The following GLMN variants were observed in gnomAD, a reference collection of about 807,000 sequenced individuals.
The protein encoded by GLMN is glomulin.
In GLMN, 75 loss-of-function variants were observed where a neutral mutation model predicts 87.8. That is an observed-to-expected ratio of 0.85 (90% confidence interval 0.71 to 1.04). The LOEUF is 1.04. Among genes scored for constraint, GLMN ranks in the 50% least tolerant of loss-of-function variants. GLMN has a pLI of 0.00. For missense variants in GLMN, 588 were observed against 658.8 expected (o/e 0.89, Z 1.18); for synonymous variants, 206 against 221.6 (o/e 0.93, Z 0.63).
rs925427494 is a variant in GLMN at position 92,269,758 on chromosome 1, C to T, written c.942G>A (p.Gln314=). ...PMVLSPLYLL[Q]FNMGHIEVFL... ...AGACTTCAATGTGCCCCATATTAAA[C>T]TGCAAAAGGTACAATGGGCTAAAAT... The change falls in exon 9 of 19, where the codon CAG becomes CAA. Residue 314 remains glutamine, a synonymous_variant. Coordinates refer to ENST00000370360, the MANE Select transcript of GLMN (RefSeq NM_053274.3). 1 of 1,606,418 alleles carries T rather than the reference C, an allele frequency of 6.2e-7. No homozygotes were observed. The highest frequency in any genetic ancestry group is 1.3e-5 in the African/African-American group (1 of 74,876).
At chr1:92,342,917 C>G in the GLMN span, among the ~76,000 whole-genome samples, 1 of 152,046 alleles carries the variant, frequency 6.6e-6, no homozygotes, top group Admixed American at 6.6e-5. Context: ...TTTTGAGATG[C>G]CTATTAGACA....
intron 7 of GLMN, among the ~76,000 whole-genome samples, chr1:92,275,446 AC>A (rs1413563498): frequency 2.0e-5 from 3 of 152,208 alleles, no homozygotes; most frequent in African/African-American, 7.2e-5. Flanking sequence ...TATCTCATAA[AC>A]ACTTGTATTT....
At chr1:92,344,039 A>G in the GLMN span, among the ~76,000 whole-genome samples, 1 of 152,298 alleles carries the variant, frequency 6.6e-6, no homozygotes, top group East Asian at 1.9e-4. Context: ...GTAGATGTGT[A>G]TCCTTCTAGT....
chr1:92,316,711 A>C, the GLMN span, among the ~76,000 whole-genome samples: 3 of 152,192 alleles, frequency 2.0e-5, no homozygotes, highest in African/African-American at 7.2e-5. Flanking sequence ...GAAAATACTT[A>C]GCTGGAAGAG....
Position 92,268,107 on chromosome 1 carries a change from A to G in GLMN, c.1006T>C (p.Leu336=). ...RTEESVISKG[L]ELLENSLLRI... ...TATAATGGGAACAAACATCTTACCA[A>G]TCCTTTGGAGATAACAGACTCTTCT... Residue 336 remains leucine (L), a splice_region_variant and synonymous_variant, in exon 10 of 19, where the codon TTG becomes CTG. Coordinates refer to ENST00000370360, the MANE Select transcript of GLMN (RefSeq NM_053274.3). The G allele has an allele frequency of 6.9e-7, 1 of 1,456,062 alleles. No individual in the cohort carries two copies. The highest frequency in any genetic ancestry group is 9.6e-7 in the Non-Finnish European group (1 of 1,036,770). The allele number at this position is 1,456,062 out of a possible 1,614,324, so 90.2% of individuals were successfully genotyped here.
intron 16 of GLMN, among the ~76,000 whole-genome samples, chr1:92,255,727 AC>A (rs1451842595): frequency 6.6e-6 from 1 of 152,258 alleles, no homozygotes; most frequent in African/African-American, 2.4e-5. Context: ...GAACAAAGAC[AC>A]AACATACCAG....
chr1:92,284,552 T>C (rs890026169), intron 7 of GLMN, among the ~76,000 whole-genome samples: 2 of 152,158 alleles, frequency 1.3e-5, no homozygotes, highest in Admixed American at 6.6e-5. Context: ...ATTCAGGACA[T>C]AGGCATGGGC....
the GLMN span, among the ~76,000 whole-genome samples, chr1:92,350,012 C>A: frequency 1.3e-5 from 2 of 152,254 alleles, no homozygotes; most frequent in African/African-American, 4.8e-5. Context: ...AGAAAAAAAT[C>A]TGACCAGTTG....
chr1:92,283,531 T>A (rs965579473), intron 7 of GLMN, among the ~76,000 whole-genome samples: 3 of 151,972 alleles, frequency 2.0e-5, no homozygotes, highest in African/African-American at 7.3e-5. Context: ...AGGCAAAAAA[T>A]TGGAAGCATT....
the GLMN span, among the ~76,000 whole-genome samples, chr1:92,316,528 T>A: frequency 6.6e-6 from 1 of 152,220 alleles, no homozygotes; most frequent in African/African-American, 2.4e-5. Context: ...TAGATTTACT[T>A]TGCTAAAATG....
chr1:92,349,057 T>C, the GLMN span, among the ~76,000 whole-genome samples: 1 of 152,216 alleles, frequency 6.6e-6, no homozygotes, highest in African/African-American at 2.4e-5. Flanking sequence ...GCCACTAACA[T>C]TGACTGTAGG....
At chr1:92,259,732 C>CTTTTT (rs58390058) in intron 16 of GLMN, among the ~76,000 whole-genome samples, 1,315 of 108,150 alleles carry the variant, frequency 0.012, 1 homozygote, top group East Asian at 0.026. Flanking sequence ...TTTTTTCTTT[C>CTTTTT]TTTTTTTTTT....
At chr1:92,336,166 G>A in the GLMN span, among the ~76,000 whole-genome samples, 3 of 152,072 alleles carry the variant, frequency 2.0e-5, no homozygotes, top group Non-Finnish European at 2.9e-5. Flanking sequence ...AGTGGAGTGT[G>A]GGGTTACTAT....
At chr1:92,320,625 A>G in the GLMN span, 14 of 1,609,978 alleles carry the variant, frequency 8.7e-6, no homozygotes, top group South Asian at 1.4e-4. Context: ...CTGCTAAAGG[A>G]AGAACAAAGG....
chr1:92,361,060 T>C, the GLMN span, among the ~76,000 whole-genome samples: 1 of 149,554 alleles, frequency 6.7e-6, no homozygotes, highest in African/African-American at 2.5e-5. Flanking sequence ...AACATGTAAT[T>C]TACCAAAAGC....
chr1:92,355,331 T>C, the GLMN span, among the ~76,000 whole-genome samples: 1 of 152,186 alleles, frequency 6.6e-6, no homozygotes, highest in Admixed American at 6.5e-5. Context: ...TTGACTATTG[T>C]TGGCAGTATG....
the GLMN span, among the ~76,000 whole-genome samples, chr1:92,305,223 G>A: frequency 6.6e-6 from 1 of 151,842 alleles, no homozygotes; most frequent in African/African-American, 2.4e-5. Context: ...ACGAGGTCAG[G>A]AAATCGAGAC....
chr1:92,365,711 TA>T, the GLMN span, among the ~76,000 whole-genome samples: 4 of 152,338 alleles, frequency 2.6e-5, no homozygotes, highest in African/African-American at 9.6e-5. Context: ...TTTTCATTTG[TA>T]CGTTTTATTT....
rs111452954 is a variant in GLMN, at chr1:92,290,362, T to A, written c.286-56A>T. The A allele has an allele frequency of 2.5e-3, 2,518 of 1,017,228 alleles. 41 individuals are homozygous for A. In the African/African-American group the frequency reaches 0.034, roughly 14 times the overall value. 63.0% of individuals were successfully genotyped at this position (1,017,228 alleles called of 1,614,324 possible). On this transcript the variant is annotated intron_variant, in intron 4 of 18. Coordinates refer to ENST00000370360, the MANE Select transcript of GLMN (RefSeq NM_053274.3). ...AATACAAGTTGTATTTAAAGCCACA[T>A]TATTACTATTTTTAAGAAGGCATGT...
Sources: gnomAD v4.1 joint callset for allele counts (sites outside exome capture counted in the v4.1 genomes callset) on GRCh38, gnomAD v4.1.1 for gene constraint, MANE v1.5 for transcripts, NCBI Gene and HGNC (gene_info 2026-07-23, HGNC 2026-07-21) for gene names.